HS2ST1: variants seen among roughly 807,000 people sequenced by gnomAD.
HS2ST1 encodes the protein heparan sulfate 2-O-sulfotransferase 1, also known as 2-O-sulfotransferase.
Under a neutral mutation model 42.9 loss-of-function variants are expected in HS2ST1, and 18 were observed. The ratio of observed to expected loss-of-function variants is 0.42; its 90% CI spans 0.29 to 0.62. The LOEUF (loss-of-function observed/expected upper bound fraction) is 0.62. HS2ST1 is among the 20% of genes least tolerant of loss of function. The pLI is 0.21. For missense variants in HS2ST1, 334 were observed against 433.8 expected (o/e 0.77, Z 2.04); for synonymous variants, 146 against 152.9 (o/e 0.95, Z 0.33).
At chr1:87,066,722 C>G (rs1314855461) in intron 1 of HS2ST1, among the ~76,000 whole-genome samples, 1 of 152,122 alleles carries the variant, frequency 6.6e-6, no homozygotes, top group Non-Finnish European at 1.5e-5. Context: ...TATCCCTCCC[C>G]TAGCCCCCAT....
At chr1:87,013,175 A>G (rs1434438081) in intron 1 of HS2ST1, among the ~76,000 whole-genome samples, 2 of 152,220 alleles carry the variant, frequency 1.3e-5, no homozygotes, top group Non-Finnish European at 2.9e-5. Flanking sequence ...GCTCCCACAG[A>G]GCATTTCCCT....
At chr1:86,924,904 G>T (rs769452683) in intron 1 of HS2ST1, among the ~76,000 whole-genome samples, 1 of 152,194 alleles carries the variant, frequency 6.6e-6, no homozygotes, top group Non-Finnish European at 1.5e-5. Flanking sequence ...AATTTCTTCA[G>T]TGGGCTTGGA....
chr1:86,952,878 G>C (rs1471669765), intron 1 of HS2ST1, among the ~76,000 whole-genome samples: 1 of 152,166 alleles, frequency 6.6e-6, no homozygotes, highest in Non-Finnish European at 1.5e-5. Context: ...ATGAGCATTG[G>C]CTTCAACTTA....
At chr1:86,918,262 A>G (rs1570419745) in intron 1 of HS2ST1, among the ~76,000 whole-genome samples, 1 of 152,134 alleles carries the variant, frequency 6.6e-6, no homozygotes, top group Non-Finnish European at 1.5e-5. Flanking sequence ...TTTTTAAAAA[A>G]CAAATATGGC....
At chr1:87,091,710 AAAT>A (rs1651949272) in intron 3 of HS2ST1, among the ~76,000 whole-genome samples, 1 of 152,186 alleles carries the variant, frequency 6.6e-6, no homozygotes, top group East Asian at 1.9e-4. Flanking sequence ...AAATTTTATT[AAAT>A]GAAGAATAAT....
chr1:87,001,739 G>A (rs1243321483), intron 1 of HS2ST1, among the ~76,000 whole-genome samples: 13 of 151,990 alleles, frequency 8.6e-5, no homozygotes, highest in Admixed American at 6.5e-4. Context: ...TCAGCCTCCC[G>A]AGTAGCTGGG....
At chr1:87,000,681 C>G (rs969489860) in intron 1 of HS2ST1, among the ~76,000 whole-genome samples, 3 of 152,144 alleles carry the variant, frequency 2.0e-5, no homozygotes, top group African/African-American at 7.2e-5. Flanking sequence ...AGACTTTGCC[C>G]AGTTTCACTC....
At chr1:86,967,863 A>G (rs1292451019) in intron 1 of HS2ST1, among the ~76,000 whole-genome samples, 1 of 152,222 alleles carries the variant, frequency 6.6e-6, no homozygotes, top group African/African-American at 2.4e-5. Context: ...TAGTTCTTTA[A>G]GGAATCTCCG....
chr1:86,980,785 CA>C (rs1383081469), intron 1 of HS2ST1, among the ~76,000 whole-genome samples: 1 of 151,796 alleles, frequency 6.6e-6, no homozygotes, highest in East Asian at 1.9e-4. Flanking sequence ...ATATCGGGGA[CA>C]AAATGGAAAG....
At chr1:86,986,177 T>G (rs1025593995) in intron 1 of HS2ST1, among the ~76,000 whole-genome samples, 2 of 152,116 alleles carry the variant, frequency 1.3e-5, no homozygotes, top group Non-Finnish European at 2.9e-5. Context: ...GTGATTTTCT[T>G]AAGTATGTGA....
At chr1:87,074,902 C>T (rs1000348663) in intron 2 of HS2ST1, among the ~76,000 whole-genome samples, 3 of 152,048 alleles carry the variant, frequency 2.0e-5, no homozygotes, top group Non-Finnish European at 4.4e-5. Context: ...TATACCCTAT[C>T]TCCAGTTTTG....
chr1:86,962,031 G>A (rs886440463), intron 1 of HS2ST1, among the ~76,000 whole-genome samples: 1 of 151,744 alleles, frequency 6.6e-6, no homozygotes, highest in Admixed American at 6.6e-5. Context: ...TTCATATTTC[G>A]AGTATTGTAA....
chr1:87,010,650 A>T lies in HS2ST1; in HGVS notation c.125-62284A>T, dbSNP rs200073862. 5.1e-4 allele frequency among the ~76,000 whole-genome samples: 77 copies of T among 152,178 alleles called. 1 individual carries two copies. The East Asian group carries it at 0.014, about 27-fold the overall frequency. The stretch of plus-strand genomic sequence containing the variant: ...TACTAGATGTTCTGCTCTTATATTC[A>T]TTTGGCTATAAATTTGAAATATTTT... On this transcript the variant is annotated intron_variant, in intron 1 of 6. Transcript: ENST00000370550.
intron 1 of HS2ST1, among the ~76,000 whole-genome samples, chr1:87,054,448 C>A (rs145555930): frequency 2.0e-5 from 3 of 152,110 alleles, no homozygotes; most frequent in African/African-American, 7.2e-5. Context: ...AGTATGGGAG[C>A]CTTCATGGTG....
chr1:87,101,461 C>T lies in HS2ST1; in HGVS notation c.687-1971C>T, dbSNP rs537140660. Reference sequence around the variant, plus strand: ...GATTACAGGTGTGAGCCACCGCACCCGACCAGTCATCACTCTAAGTTCAAA... The same window carrying T: ...GATTACAGGTGTGAGCCACCGCACCTGACCAGTCATCACTCTAAGTTCAAA... On this transcript the variant is annotated intron_variant, in intron 5 of 6. Coordinates refer to ENST00000370550, the MANE Select transcript of HS2ST1 (RefSeq NM_012262.4). Among the ~76,000 whole-genome samples, 10 of 151,994 alleles carry T rather than the reference C, an allele frequency of 6.6e-5. No individual in the cohort carries two copies. In the East Asian group the frequency reaches 1.5e-3, roughly 24 times the overall value.
intron 1 of HS2ST1, among the ~76,000 whole-genome samples, chr1:86,942,044 CTG>C (rs1430548264): frequency 9.9e-5 from 15 of 152,158 alleles, no homozygotes; most frequent in Admixed American, 4.6e-4. Flanking sequence ...TTTCATCCTT[CTG>C]TGTTTGACTA....
intron 2 of HS2ST1, among the ~76,000 whole-genome samples, chr1:87,075,238 C>T (rs1450464284): frequency 1.5e-5 from 2 of 132,744 alleles, no homozygotes; most frequent in Non-Finnish European, 3.0e-5. Context: ...GGTGCGATCT[C>T]GGCTCATTGC....
intron 3 of HS2ST1, among the ~76,000 whole-genome samples, chr1:87,089,947 G>C (rs564280541): frequency 6.6e-6 from 1 of 151,998 alleles, no homozygotes; most frequent in Non-Finnish European, 1.5e-5. Context: ...TCTGCGAGGA[G>C]ATTATTCTCA....
chr1:87,072,051 A>AAT (rs1224350145), intron 1 of HS2ST1, among the ~76,000 whole-genome samples: 2 of 152,028 alleles, frequency 1.3e-5, no homozygotes, highest in African/African-American at 4.8e-5. Context: ...TAGATATTTG[A>AAT]ATATATATAT....
Sources: allele counts gnomAD v4.1 joint callset (sites outside exome capture counted in the v4.1 genomes callset), GRCh38; gene constraint gnomAD v4.1.1; transcripts MANE v1.5; gene names NCBI Gene and HGNC (gene_info 2026-07-23, HGNC 2026-07-21).